APBB2: variants seen among roughly 807,000 people sequenced by gnomAD.
APBB2 encodes amyloid beta precursor protein binding family B member 2, also known as Fe65-like 1.
APBB2 carries 38 observed loss-of-function variants against 82.5 expected under a neutral mutation model. The observed-to-expected ratio is 0.46, with a 90% CI of 0.36 to 0.60. APBB2 has a LOEUF of 0.60. Ranked by LOEUF, APBB2 falls within the 20% of genes least tolerant of loss-of-function variation. The probability of loss-of-function intolerance (pLI) is 0.00; values close to 1 mark genes in which losing one functional copy is unlikely to be tolerated. For synonymous variants in APBB2, 341 were observed against 368.2 expected (o/e 0.93, Z 0.85); for missense variants, 772 against 972.3 (o/e 0.79, Z 2.74).
At chr4:40,964,988 C>CGG (rs1190308756) in intron 6 of APBB2, among the ~76,000 whole-genome samples, 2 of 152,040 alleles carry the variant, frequency 1.3e-5, no homozygotes, top group Admixed American at 6.5e-5. Context: ...GGCGTGGTGG[C>CGG]ACGTGCCTGT....
At chr4:40,840,230 A>G (rs1755362402) in intron 12 of APBB2, among the ~76,000 whole-genome samples, 1 of 152,180 alleles carries the variant, frequency 6.6e-6, no homozygotes, top group Non-Finnish European at 1.5e-5. Context: ...TAGAATTCAA[A>G]AGGTAAGCCC....
chr4:40,964,242 G>T (rs144495127), intron 6 of APBB2, among the ~76,000 whole-genome samples: 2 of 152,094 alleles, frequency 1.3e-5, no homozygotes, highest in African/African-American at 4.8e-5. Context: ...TGGTCACCCT[G>T]GAAAAGCTTG....
At chr4:41,191,391 G>A (rs1774398032) in intron 1 of APBB2, among the ~76,000 whole-genome samples, 1 of 152,148 alleles carries the variant, frequency 6.6e-6, no homozygotes, top group African/African-American at 2.4e-5. Flanking sequence ...TCTTTTTAAA[G>A]TTTATTTCTA....
intron 3 of APBB2, among the ~76,000 whole-genome samples, chr4:41,074,605 A>ATTT (rs1457334793): frequency 1.7e-4 from 18 of 107,454 alleles, no homozygotes; most frequent in African/African-American, 2.1e-4. Flanking sequence ...TATTATTATT[A>ATTT]TTATTTTTTT....
At chr4:41,195,175 C>T in intron 1 of APBB2, among the ~76,000 whole-genome samples, 5 of 152,234 alleles carry the variant, frequency 3.3e-5, no homozygotes, top group African/African-American at 1.2e-4. Context: ...CAGACCTCTG[C>T]CCTAAGCTCT....
chr4:40,993,525 C>T (rs1482722464), intron 6 of APBB2, among the ~76,000 whole-genome samples: 1 of 151,934 alleles, frequency 6.6e-6, no homozygotes, highest in Non-Finnish European at 1.5e-5. Context: ...GCTGGGACTA[C>T]AGGCACGTGC....
chr4:40,822,206 A>C (rs1398665679), intron 16 of APBB2, 156 bp from the exon 17 acceptor site: 3 of 792,414 alleles, frequency 3.8e-6, no homozygotes, highest in African/African-American at 3.5e-5. Flanking sequence ...CAAATGTCTG[A>C]AGAGGCCATC....
In APBB2 at chr4:40,811,256, G is replaced by T. The variant is rs1465319237; in HGVS notation, c.*4836C>A. 6.6e-6 allele frequency: 1 copy of T among 152,198 alleles called. No homozygotes were observed. The highest frequency in any genetic ancestry group is 1.9e-4 in the East Asian group (1 of 5,198). The allele number at this position is 152,198 out of a possible 1,614,324, so 9.4% of individuals were successfully genotyped here. ...TAAATACTTTGGTAGAGTGAAAAGG[G>T]AAAAGAATTTTGGATAAAAGCAATA... is the stretch of plus-strand genomic sequence containing the variant. On this transcript the variant is annotated 3_prime_UTR_variant, in exon 18 of 18. Coordinates refer to ENST00000508593, the MANE Select transcript of APBB2 (RefSeq NM_004307.2).
intron 1 of APBB2, among the ~76,000 whole-genome samples, chr4:41,211,787 T>C (rs758210904): frequency 2.2e-4 from 34 of 152,282 alleles, no homozygotes; most frequent in Middle Eastern, 3.4e-3. Context: ...CGGCCAGGTA[T>C]TGTCTATTTT....
chr4:41,207,274 T>C (rs945394201), intron 1 of APBB2, among the ~76,000 whole-genome samples: 2 of 137,308 alleles, frequency 1.5e-5, no homozygotes, highest in African/African-American at 2.8e-5. Context: ...CACCCCACAA[T>C]AGCAACCAAA....
chr4:40,918,398 T>G (rs953201369), intron 10 of APBB2, among the ~76,000 whole-genome samples: 2 of 152,236 alleles, frequency 1.3e-5, no homozygotes, highest in African/African-American at 4.8e-5. Flanking sequence ...CTGTGTCAAT[T>G]TTGTCCCCAG....
At chr4:40,847,572 T>G (rs1269696630) in intron 12 of APBB2, among the ~76,000 whole-genome samples, 1 of 152,138 alleles carries the variant, frequency 6.6e-6, no homozygotes, top group Non-Finnish European at 1.5e-5. Flanking sequence ...GACAGCACAG[T>G]GGTTTCCATG....
intron 2 of APBB2, among the ~76,000 whole-genome samples, chr4:41,119,792 C>T (rs1400884385): frequency 6.6e-6 from 1 of 152,170 alleles, no homozygotes; most frequent in African/African-American, 2.4e-5. Flanking sequence ...ATATAAAAAC[C>T]TTCCTATGTG....
chr4:41,112,839 T>C (rs547650288), intron 2 of APBB2, among the ~76,000 whole-genome samples: 9 of 152,074 alleles, frequency 5.9e-5, no homozygotes, highest in African/African-American at 1.4e-4. Context: ...AATGCAAAAT[T>C]AGCCGGGTGT....
At chr4:40,870,056 C>T (rs1329637061) in intron 12 of APBB2, among the ~76,000 whole-genome samples, 4 of 152,070 alleles carry the variant, frequency 2.6e-5, no homozygotes, top group Non-Finnish European at 5.9e-5. Context: ...TCACGTTATA[C>T]ATCATTTTGG....
intron 2 of APBB2, among the ~76,000 whole-genome samples, chr4:41,136,787 TA>T (rs1308306404): frequency 6.6e-6 from 1 of 151,842 alleles, no homozygotes; most frequent in African/African-American, 2.4e-5. Context: ...CACCAAGACT[TA>T]CATTTAGATT....
At chr4:40,931,573 G>A (rs1784242544) in intron 10 of APBB2, among the ~76,000 whole-genome samples, 1 of 152,158 alleles carries the variant, frequency 6.6e-6, no homozygotes, top group Non-Finnish European at 1.5e-5. Context: ...ATTCTGATGA[G>A]CCCTTCTAGG....
At chr4:41,165,278 T>C (rs1431525845) in intron 1 of APBB2, among the ~76,000 whole-genome samples, 1 of 152,156 alleles carries the variant, frequency 6.6e-6, no homozygotes, top group Admixed American at 6.5e-5. Context: ...AGGACTATCT[T>C]GGATTCTCTG....
chr4:40,881,394 C>T, intron 12 of APBB2: 2 of 985,116 alleles, frequency 2.0e-6, no homozygotes, highest in Non-Finnish European at 2.4e-6. Flanking sequence ...TTCTTCCAGA[C>T]TGAGACCCCA....
Sources: allele counts gnomAD v4.1 joint callset (sites outside exome capture counted in the v4.1 genomes callset), GRCh38; gene constraint gnomAD v4.1.1; transcripts MANE v1.5; gene names NCBI Gene and HGNC (gene_info 2026-07-23, HGNC 2026-07-21).